Variants in CHRM5 observed in about 807,000 individuals in gnomAD.
CHRM5 encodes muscarinic acetylcholine receptor M5.
In CHRM5, 18 loss-of-function variants were observed where a neutral mutation model predicts 39.0. That is an observed-to-expected ratio of 0.46 (90% CI 0.32 to 0.68). CHRM5 has a LOEUF of 0.68. Among genes scored for constraint, CHRM5 ranks in the 30% least tolerant of loss-of-function variants. The probability of loss-of-function intolerance (pLI) is 0.04; values close to 1 mark genes in which losing one functional copy is unlikely to be tolerated. For missense variants in CHRM5, 515 were observed against 651.1 expected (o/e 0.79, Z 2.28); for synonymous variants, 241 against 246.3 (o/e 0.98, Z 0.20).
chr15:34,062,372 A>G (rs938330129), intron 2 of CHRM5, among the ~76,000 whole-genome samples: 5 of 151,940 alleles, frequency 3.3e-5, no homozygotes, highest in East Asian at 1.9e-4. Context: ...CGCCTAACAC[A>G]GTGAAACCCC....
At chr15:34,024,340 C>T (rs568289068) in intron 1 of CHRM5, among the ~76,000 whole-genome samples, 104 of 152,050 alleles carry the variant, frequency 6.8e-4, no homozygotes, top group Non-Finnish European at 1.2e-3. Flanking sequence ...GAGTGATGGG[C>T]GGCAATCTCT....
At chr15:34,038,828 TCG>T in intron 1 of CHRM5, 1 of 1,189,622 alleles carries the variant, frequency 8.4e-7, no homozygotes, top group Non-Finnish European at 1.0e-6. Flanking sequence ...GGCGGCTGCC[TCG>T]CGGGGCGCCT....
rs372225559 is a variant in CHRM5, at chr15:34,012,791, AG to A, written c.-407-33747del. Among the ~76,000 whole-genome samples, 34 of 152,358 alleles carry A rather than the reference AG, an allele frequency of 2.2e-4. 1 individual carries two copies. In the East Asian group the frequency reaches 5.6e-3, roughly 25 times the overall value. On this transcript the variant is annotated intron_variant, in intron 1 of 2. Transcript: ENST00000383263. ...TTACTGAACTAGAAGGAACCTAGAT[AG>A]GTCAAGCCTCTGCCCTCAAGCAAGA... is the stretch of plus-strand genomic sequence containing the variant.
At chr15:33,982,518 G>T (rs1274356588) in intron 1 of CHRM5, among the ~76,000 whole-genome samples, 1 of 152,126 alleles carries the variant, frequency 6.6e-6, no homozygotes, top group African/African-American at 2.4e-5. Flanking sequence ...CAGTCCCAAT[G>T]GTCAAATTCA....
chr15:34,026,375 T>A (rs1898472459), intron 1 of CHRM5, among the ~76,000 whole-genome samples: 1 of 152,144 alleles, frequency 6.6e-6, no homozygotes, highest in Admixed American at 6.5e-5. Flanking sequence ...CTTTTAACCT[T>A]AGGATATAAC....
chr15:34,067,415 T>C lies in CHRM5; in HGVS notation c.*3099T>C, dbSNP rs543099394. The C allele has an allele frequency of 4.1e-4, 63 of 152,330 alleles. No individual in the cohort carries two copies. Among genetic ancestry groups the C allele is most frequent in the African/African-American group, 1.4e-3 (59 of 41,574 alleles). 9.4% of individuals were successfully genotyped at this position (152,330 alleles called of 1,614,324 possible). On this transcript the variant is annotated 3_prime_UTR_variant, in exon 3 of 3. Transcript: ENST00000383263. ...ATATGGGGACTGGGCTGCTTTTCTG[T>C]ATTGTATAAGCACTATTCTAGATAT...
intron 1 of CHRM5, among the ~76,000 whole-genome samples, chr15:34,011,922 T>C (rs920122852): frequency 3.3e-5 from 5 of 152,196 alleles, no homozygotes; most frequent in Admixed American, 3.3e-4. Context: ...GGAGTAACTT[T>C]TATTGGACTA....
chr15:33,983,930 G>GAA (rs11353733), intron 1 of CHRM5, among the ~76,000 whole-genome samples: 10 of 143,092 alleles, frequency 7.0e-5, no homozygotes, highest in African/African-American at 2.5e-4. Flanking sequence ...GCCTCATCAT[G>GAA]AAAAAAAAAA....
intron 1 of CHRM5, among the ~76,000 whole-genome samples, chr15:34,037,857 G>A (rs1899222029): frequency 6.6e-6 from 1 of 152,036 alleles, no homozygotes; most frequent in Non-Finnish European, 1.5e-5. Context: ...ACTTCAGTAA[G>A]AGCAAATTTT....
chr15:34,020,284 C>T (rs1489045992), intron 1 of CHRM5, among the ~76,000 whole-genome samples: 10 of 151,096 alleles, frequency 6.6e-5, no homozygotes, highest in Non-Finnish European at 1.2e-4. Context: ...GCACTCTAGC[C>T]TGGGTGACCG....
chr15:33,993,961 A>G (rs768647411), intron 1 of CHRM5, among the ~76,000 whole-genome samples: 101 of 152,206 alleles, frequency 6.6e-4, no homozygotes, highest in Admixed American at 1.8e-3. Context: ...TATTCATTCC[A>G]CTATTAATGA....
At chr15:33,978,465 A>C (rs1315075323) in intron 1 of CHRM5, among the ~76,000 whole-genome samples, 1 of 152,156 alleles carries the variant, frequency 6.6e-6, no homozygotes, top group Non-Finnish European at 1.5e-5. Flanking sequence ...GGAGTTCAAA[A>C]CCAGCCTGAT....
chr15:34,035,907 T>G (rs1400314066), intron 1 of CHRM5, among the ~76,000 whole-genome samples: 1 of 152,120 alleles, frequency 6.6e-6, no homozygotes, highest in Non-Finnish European at 1.5e-5. Context: ...ACAATCCGGC[T>G]GCTTCAGCCT....
At chr15:34,036,560 T>C (rs993807108) in intron 1 of CHRM5, among the ~76,000 whole-genome samples, 2 of 152,192 alleles carry the variant, frequency 1.3e-5, no homozygotes, top group Middle Eastern at 3.4e-3. Flanking sequence ...GCACCAAAAA[T>C]GGTGTCCTAG....
intron 1 of CHRM5, among the ~76,000 whole-genome samples, chr15:33,973,891 C>T (rs1371097613): frequency 6.6e-6 from 1 of 152,154 alleles, no homozygotes; most frequent in Non-Finnish European, 1.5e-5. Flanking sequence ...CAATCTCAGA[C>T]AGCCAGAAGA....
At chr15:33,995,641 A>G (rs1470035004) in intron 1 of CHRM5, among the ~76,000 whole-genome samples, 3 of 152,148 alleles carry the variant, frequency 2.0e-5, no homozygotes, top group African/African-American at 7.2e-5. Context: ...ACATTTTTCG[A>G]AGTTACTGAA....
intron 2 of CHRM5, among the ~76,000 whole-genome samples, chr15:34,055,700 C>T (rs1900116197): frequency 6.6e-6 from 1 of 151,844 alleles, no homozygotes; most frequent in Non-Finnish European, 1.5e-5. Flanking sequence ...ACTCAGGAGG[C>T]TGAGGCAGGA....
chr15:33,979,888 T>C (rs561720735), intron 1 of CHRM5, among the ~76,000 whole-genome samples: 3 of 152,198 alleles, frequency 2.0e-5, no homozygotes, highest in Non-Finnish European at 4.4e-5. Context: ...GCATGAGCAA[T>C]CCAAGAGATT....
At chr15:34,033,720 A>T (rs1898972473) in intron 1 of CHRM5, among the ~76,000 whole-genome samples, 1 of 152,198 alleles carries the variant, frequency 6.6e-6, no homozygotes, top group Admixed American at 6.5e-5. Context: ...GGAGATGGGG[A>T]ATTAAAATAC....
Sources: allele counts gnomAD v4.1 joint callset (sites outside exome capture counted in the v4.1 genomes callset), GRCh38; gene constraint gnomAD v4.1.1; transcripts MANE v1.5; gene names NCBI Gene and HGNC (gene_info 2026-07-23, HGNC 2026-07-21).